THSD4: variants seen among roughly 807,000 people sequenced by gnomAD.
THSD4 encodes thrombospondin type 1 domain containing 4, also known as thrombospondin type-1 domain-containing protein 4.
A neutral mutation model predicts 119.0 loss-of-function variants in THSD4; 69 were observed. The ratio of observed to expected loss-of-function variants is 0.58; its 90% CI spans 0.48 to 0.71. THSD4 has a LOEUF of 0.71. Among genes scored for constraint, THSD4 ranks in the 30% least tolerant of loss-of-function variants. The probability of loss-of-function intolerance (pLI) is 0.00; values close to 1 mark genes in which losing one functional copy is unlikely to be tolerated. For synonymous variants in THSD4, 524 were observed against 540.4 expected (o/e 0.97, Z 0.42); for missense variants, 1,393 against 1,391.1 (o/e 1.00, Z -0.02).
intron 6 of THSD4, among the ~76,000 whole-genome samples, chr15:71,313,932 A>G (rs949228263): frequency 1.3e-5 from 2 of 152,230 alleles, no homozygotes; most frequent in Admixed American, 1.3e-4. Context: ...AAAGCAGATT[A>G]AAGCCATCTT....
At chr15:71,208,695 A>G (rs1006394550) in intron 3 of THSD4, among the ~76,000 whole-genome samples, 12 of 151,998 alleles carry the variant, frequency 7.9e-5, no homozygotes, top group African/African-American at 2.9e-4. Context: ...TATTTTTAGT[A>G]GAGACGGGGT....
At chr15:71,533,674 C>T (rs1230980462) in intron 7 of THSD4, among the ~76,000 whole-genome samples, 2 of 152,108 alleles carry the variant, frequency 1.3e-5, no homozygotes, top group African/African-American at 4.8e-5. Context: ...GCTGATATTG[C>T]CTGCTTAGAG....
At chr15:71,567,602 C>CCA (rs71154785) in intron 7 of THSD4, among the ~76,000 whole-genome samples, 7,885 of 142,570 alleles carry the variant, frequency 0.055, 698 homozygotes, top group East Asian at 0.43. Flanking sequence ...AGACACCCCC[C>CCA]CACACACACA....
At chr15:71,362,052 A>G (rs1051762018) in intron 6 of THSD4, among the ~76,000 whole-genome samples, 7 of 152,154 alleles carry the variant, frequency 4.6e-5, no homozygotes, top group Non-Finnish European at 8.8e-5. Context: ...CAAGGCAGGT[A>G]GATCACTTGA....
In THSD4 at chr15:71,738,017, T is replaced by G. The variant is rs1227352003; in HGVS notation, c.1906+10T>G. 2 of 1,612,744 alleles carry G rather than the reference T, an allele frequency of 1.2e-6. No individual in the cohort carries two copies. Among genetic ancestry groups the G allele is most frequent in the Admixed American group, 3.3e-5 (2 of 59,902 alleles). On this transcript the variant is annotated intron_variant, in intron 11 of 17. Transcript: ENST00000261862. ...ACGACCTGTGGGAAAGGTGAGCCTG[T>G]GTGGGGGACGGGTGGATCCCTGCAG...
At chr15:71,672,639 C>G (rs2051556055) in intron 8 of THSD4, among the ~76,000 whole-genome samples, 1 of 152,074 alleles carries the variant, frequency 6.6e-6, no homozygotes, top group South Asian at 2.1e-4. Flanking sequence ...ATGAATAGCT[C>G]TTATTATTTT....
chr15:71,401,009 C>T (rs982025447), intron 6 of THSD4, among the ~76,000 whole-genome samples: 1 of 152,126 alleles, frequency 6.6e-6, no homozygotes, highest in Admixed American at 6.6e-5. Flanking sequence ...TTTTTCTCTC[C>T]ACTGAAATGA....
chr15:71,501,207 T>C (rs1463112330), intron 7 of THSD4, among the ~76,000 whole-genome samples: 1 of 152,202 alleles, frequency 6.6e-6, no homozygotes, highest in Non-Finnish European at 1.5e-5. Context: ...GCTGTGTGTG[T>C]TTTTCTTTTA....
intron 7 of THSD4, among the ~76,000 whole-genome samples, chr15:71,464,247 C>T (rs1357010943): frequency 6.6e-6 from 1 of 152,198 alleles, no homozygotes; most frequent in Non-Finnish European, 1.5e-5. Context: ...CATTGCTTCC[C>T]TCTCCACCCC....
chr15:71,328,503 A>C (rs2045376407), intron 6 of THSD4, among the ~76,000 whole-genome samples: 1 of 152,180 alleles, frequency 6.6e-6, no homozygotes, highest in Non-Finnish European at 1.5e-5. Flanking sequence ...TATATTTATC[A>C]AGCATCCACT....
intron 7 of THSD4, among the ~76,000 whole-genome samples, chr15:71,514,003 C>A (rs1386922121): frequency 6.6e-6 from 1 of 152,130 alleles, no homozygotes; most frequent in Non-Finnish European, 1.5e-5. Context: ...GTAGTTGCCT[C>A]CATTTAGGGA....
chr15:71,698,263 T>C (rs1295310557), intron 8 of THSD4, among the ~76,000 whole-genome samples: 1 of 152,212 alleles, frequency 6.6e-6, no homozygotes, highest in African/African-American at 2.4e-5. Context: ...TGTAGTCAGC[T>C]GGGTGCTAAG....
chr15:71,592,578 G>T (rs997901158), intron 7 of THSD4, among the ~76,000 whole-genome samples: 1 of 151,872 alleles, frequency 6.6e-6, no homozygotes, highest in Non-Finnish European at 1.5e-5. Context: ...CGTGGTGATC[G>T]GGTTCCCAGA....
chr15:71,714,611 C>T (rs56197288), intron 8 of THSD4, among the ~76,000 whole-genome samples: 25,684 of 152,010 alleles, frequency 0.17, 2,363 homozygotes, highest in Middle Eastern at 0.22. Context: ...TTTGGGAGGC[C>T]GAGTGGGGGT....
intron 7 of THSD4, among the ~76,000 whole-genome samples, chr15:71,620,334 T>C (rs538441682): frequency 6.6e-6 from 1 of 152,296 alleles, no homozygotes; most frequent in African/African-American, 2.4e-5. Context: ...GGCTCATGCC[T>C]GTAATCCCAG....
intron 7 of THSD4, among the ~76,000 whole-genome samples, chr15:71,476,825 C>T (rs2047661415): frequency 6.6e-6 from 1 of 152,228 alleles, no homozygotes; most frequent in Non-Finnish European, 1.5e-5. Context: ...ATCCCTCAGA[C>T]TCTTCAAGAA....
chr15:71,619,682 A>T (rs567216485), intron 7 of THSD4, among the ~76,000 whole-genome samples: 2 of 152,260 alleles, frequency 1.3e-5, no homozygotes, highest in East Asian at 3.9e-4. Context: ...CTCTCCGTGC[A>T]TTATATTCAA....
chr15:71,255,644 A>T (rs1010492592), intron 5 of THSD4, among the ~76,000 whole-genome samples: 64 of 152,196 alleles, frequency 4.2e-4, no homozygotes, highest in African/African-American at 1.4e-3. Flanking sequence ...TTAGACTAGA[A>T]TTTAGAGAAG....
chr15:71,700,778 C>T (rs184910751), intron 8 of THSD4, among the ~76,000 whole-genome samples: 155 of 151,958 alleles, frequency 1.0e-3, no homozygotes, highest in African/African-American at 3.6e-3. Context: ...ATGATAAAAG[C>T]ACATTTAAAT....
Sources: gnomAD v4.1 joint callset for allele counts (sites outside exome capture counted in the v4.1 genomes callset) on GRCh38, gnomAD v4.1.1 for gene constraint, MANE v1.5 for transcripts, NCBI Gene and HGNC (gene_info 2026-07-23, HGNC 2026-07-21) for gene names.